The following CNTN4 variants were observed in gnomAD, a reference collection of about 807,000 sequenced individuals.
CNTN4 encodes contactin-4.
CNTN4 carries 77 observed loss-of-function variants against 122.5 expected under a neutral mutation model. That is an observed-to-expected ratio of 0.63 (90% CI 0.52 to 0.76). The LOEUF is 0.76. Among genes scored for constraint, CNTN4 ranks in the 30% least tolerant of loss-of-function variants. CNTN4 has a pLI of 0.00. For missense variants in CNTN4, 1,256 were observed against 1,259.1 expected (o/e 1.00, Z 0.04); for synonymous variants, 512 against 447.0 (o/e 1.15, Z -1.83).
rs940430458 is a variant in CNTN4 at position 3,057,483 on chromosome 3, A to G, written c.*1263A>G. On this transcript the variant is annotated 3_prime_UTR_variant, in exon 25 of 25. Coordinates refer to ENST00000418658, the MANE Select transcript of CNTN4 (RefSeq NM_175607.3). ...CTTATGAAAAGAACTATTTGTTACA[A>G]TGAGAAAGGTTTTGTGAGTAAACCC... 1.3e-5 allele frequency: 2 copies of G among 152,676 alleles called. No individual in the cohort carries two copies. The highest frequency in any genetic ancestry group is 4.8e-5 in the African/African-American group (2 of 41,466). 9.5% of individuals were successfully genotyped at this position (152,676 alleles called of 1,614,324 possible).
chr3:2,187,499 G>A (rs2037328042), intron 2 of CNTN4, among the ~76,000 whole-genome samples: 1 of 152,108 alleles, frequency 6.6e-6, no homozygotes, highest in Non-Finnish European at 1.5e-5. Context: ...GCTATGGCTG[G>A]AGTCCCTTGG....
At chr3:2,837,947 G>T (rs1384698216) in intron 7 of CNTN4, among the ~76,000 whole-genome samples, 1 of 152,142 alleles carries the variant, frequency 6.6e-6, no homozygotes, top group African/African-American at 2.4e-5. Flanking sequence ...CAGCAAAAAT[G>T]CAATTAATAT....
chr3:2,129,931 A>G (rs915810221), intron 2 of CNTN4, among the ~76,000 whole-genome samples: 16 of 152,154 alleles, frequency 1.1e-4, no homozygotes, highest in Middle Eastern at 6.8e-3. Context: ...GAAGGTTTTC[A>G]AAACTGGCAT....
chr3:2,950,997 T>G (rs1439255446), intron 13 of CNTN4, among the ~76,000 whole-genome samples: 1 of 152,214 alleles, frequency 6.6e-6, no homozygotes. Flanking sequence ...GCTGTATCAC[T>G]TTGGGCAGGT....
intron 3 of CNTN4, among the ~76,000 whole-genome samples, chr3:2,409,235 G>A (rs2047142502): frequency 6.8e-6 from 1 of 147,908 alleles, no homozygotes; most frequent in Admixed American, 6.8e-5. Flanking sequence ...TAATTTCTAG[G>A]TATCTTTTCT....
intron 4 of CNTN4, among the ~76,000 whole-genome samples, chr3:2,618,441 T>G (rs1034333035): frequency 6.6e-6 from 1 of 152,190 alleles, no homozygotes; most frequent in African/African-American, 2.4e-5. Context: ...ATGTGGGATA[T>G]CCAATATAAA....
chr3:2,218,268 TAA>T (rs1219024472), intron 2 of CNTN4, among the ~76,000 whole-genome samples: 1 of 152,208 alleles, frequency 6.6e-6, no homozygotes, highest in South Asian at 2.1e-4. Flanking sequence ...AATTAAAAAT[TAA>T]AAAGATGTAC....
intron 7 of CNTN4, among the ~76,000 whole-genome samples, chr3:2,829,857 G>C (rs1204695763): frequency 6.6e-6 from 1 of 152,102 alleles, no homozygotes; most frequent in Admixed American, 6.6e-5. Context: ...TTTAAGAAGA[G>C]TTCCCTAGGA....
chr3:2,727,358 C>T (rs1487208893), intron 4 of CNTN4, among the ~76,000 whole-genome samples: 1 of 152,146 alleles, frequency 6.6e-6, no homozygotes, highest in African/African-American at 2.4e-5. Context: ...CCCATCAGTT[C>T]CCATCAGTTC....
chr3:2,830,510 G>T (rs1419070170), intron 7 of CNTN4, among the ~76,000 whole-genome samples: 1 of 152,204 alleles, frequency 6.6e-6, no homozygotes, highest in African/African-American at 2.4e-5. Flanking sequence ...GTCCCAGAAA[G>T]CAGTGAAGGA....
intron 4 of CNTN4, among the ~76,000 whole-genome samples, chr3:2,596,857 T>C (rs138509357): frequency 6.6e-6 from 1 of 152,228 alleles, no homozygotes; most frequent in Non-Finnish European, 1.5e-5. Flanking sequence ...AGATTAAAAT[T>C]TGAATCTGCA....
intron 14 of CNTN4, among the ~76,000 whole-genome samples, chr3:3,025,522 CA>C (rs1042213627): frequency 6.6e-6 from 1 of 151,922 alleles, no homozygotes; most frequent in Non-Finnish European, 1.5e-5. Flanking sequence ...TAAAACAAAA[CA>C]ACTGAAAAAC....
intron 5 of CNTN4, among the ~76,000 whole-genome samples, chr3:2,738,021 AAG>A (rs1039852208): frequency 5.3e-5 from 8 of 152,202 alleles, no homozygotes; most frequent in African/African-American, 1.9e-4. Context: ...TTTAAAAAGA[AAG>A]AGAGAAAAAA....
chr3:2,404,331 T>C (rs1281193559), intron 3 of CNTN4, among the ~76,000 whole-genome samples: 1 of 152,086 alleles, frequency 6.6e-6, no homozygotes, highest in Non-Finnish European at 1.5e-5. Flanking sequence ...TTGTTTTCAG[T>C]CTCATTCAAG....
At chr3:3,026,632 A>C (rs1698745955) in intron 15 of CNTN4, among the ~76,000 whole-genome samples, 1 of 152,136 alleles carries the variant, frequency 6.6e-6, no homozygotes, top group Non-Finnish European at 1.5e-5. Context: ...CATATCATAT[A>C]TCCTAGAATC....
chr3:2,141,241 A>G (rs1292761902), intron 2 of CNTN4, among the ~76,000 whole-genome samples: 2 of 152,202 alleles, frequency 1.3e-5, no homozygotes, highest in Non-Finnish European at 2.9e-5. Context: ...GACTCTGCCA[A>G]TATGATGAAG....
At chr3:2,310,525 CT>C (rs2042876425) in intron 2 of CNTN4, among the ~76,000 whole-genome samples, 1 of 152,144 alleles carries the variant, frequency 6.6e-6, no homozygotes, top group African/African-American at 2.4e-5. Context: ...CGCCTTCCCA[CT>C]TTTTCACCTC....
intron 4 of CNTN4, among the ~76,000 whole-genome samples, chr3:2,606,115 AT>A (rs1399236591): frequency 1.3e-5 from 2 of 152,134 alleles, no homozygotes; most frequent in Non-Finnish European, 2.9e-5. Flanking sequence ...AAGATATGTC[AT>A]TGCAGTTTAA....
At chr3:2,854,522 C>T (rs950340854) in intron 7 of CNTN4, among the ~76,000 whole-genome samples, 1 of 152,120 alleles carries the variant, frequency 6.6e-6, no homozygotes. Flanking sequence ...ATCCGCCTGC[C>T]TCTGCCTCCC....
Sources: allele counts gnomAD v4.1 joint callset (sites outside exome capture counted in the v4.1 genomes callset), GRCh38; gene constraint gnomAD v4.1.1; transcripts MANE v1.5; gene names NCBI Gene and HGNC (gene_info 2026-07-23, HGNC 2026-07-21).